CCDC146: variants seen among roughly 807,000 people sequenced by gnomAD.
CCDC146 encodes coiled-coil domain containing 146.
A neutral mutation model predicts 119.3 loss-of-function variants in CCDC146; 92 were observed. The observed-to-expected ratio is 0.77, with a 90% CI of 0.65 to 0.92. The LOEUF (loss-of-function observed/expected upper bound fraction) is 0.92, where lower values mean the gene tolerates loss of function less well. Among genes scored for constraint, CCDC146 ranks in the 40% least tolerant of loss-of-function variants. The probability of loss-of-function intolerance (pLI) is 0.00; values close to 1 mark genes in which losing one functional copy is unlikely to be tolerated. For missense variants in CCDC146, 1,000 were observed against 1,103.0 expected, an observed-to-expected ratio of 0.91 and a Z score of 1.32; for synonymous variants, 372 against 371.8, an observed-to-expected ratio of 1.00 and a Z score of -0.01.
At chr7:77,173,506 G>A (rs3114354) in intron 2 of CCDC146, among the ~76,000 whole-genome samples, 1,983 of 152,114 alleles carry the variant, frequency 0.013, 18 homozygotes, top group Non-Finnish European at 0.014. Flanking sequence ...GTGCATGCCT[G>A]TAATCCCAGC....
rs1194392911 is a variant in CCDC146, at chr7:77,196,819, C to T, written c.156+28995C>T. ...GCCATGTTCTGGTGAAGTTGGTGCT[C>T]CCATCGAGACGTGCCTGCAGCACTG... On this transcript the variant is annotated intron_variant, in intron 2 of 18. Coordinates refer to ENST00000285871, the MANE Select transcript of CCDC146 (RefSeq NM_020879.3). This position sits in a 1 kb window ranked among gnomAD's most constrained non-coding sequence, Gnocchi z 4.2. 6.2e-7 allele frequency: 1 copy of T among 1,614,044 alleles called. No individual in the cohort carries two copies. The highest frequency in any genetic ancestry group is 8.5e-7 in the Non-Finnish European group (1 of 1,180,006).
At chr7:77,271,480 T>C (rs1793512911) in intron 9 of CCDC146, among the ~76,000 whole-genome samples, 1 of 138,310 alleles carries the variant, frequency 7.2e-6, no homozygotes, top group African/African-American at 2.7e-5. Flanking sequence ...CTTTTTATTT[T>C]ATATATATAT....
intron 17 of CCDC146, among the ~76,000 whole-genome samples, chr7:77,292,036 C>G (rs985620947): frequency 6.6e-6 from 1 of 152,182 alleles, no homozygotes; most frequent in African/African-American, 2.4e-5. Flanking sequence ...TGGATCATGC[C>G]TGTAATCCCA....
At chr7:77,233,357 G>A (rs1181399291) in intron 2 of CCDC146, among the ~76,000 whole-genome samples, 1 of 152,114 alleles carries the variant, frequency 6.6e-6, no homozygotes, top group Non-Finnish European at 1.5e-5. Context: ...CTCCTAAAGT[G>A]CTGGGATTAC....
intron 2 of CCDC146, among the ~76,000 whole-genome samples, chr7:77,207,546 G>C (rs538710853): frequency 1.3e-5 from 2 of 152,246 alleles, no homozygotes; most frequent in East Asian, 1.9e-4. Flanking sequence ...GACACAAATT[G>C]TGTCAGTCAT....
At position 77,196,324 on chromosome 7, in the gene CCDC146, G is replaced by GA; in HGVS notation, c.156+28502dup. 6.2e-7 allele frequency: 1 copy of GA among 1,614,058 alleles called. No homozygotes were observed. On this transcript the variant is annotated intron_variant, in intron 2 of 18. Coordinates refer to ENST00000285871, the MANE Select transcript of CCDC146 (RefSeq NM_020879.3). This position sits in a 1 kb window ranked among gnomAD's most constrained non-coding sequence, Gnocchi z 4.2. ...GTCTGATCATCATCTTAGCCTCTTT[G>GA]AAGGAGGACTTGTAGCCACCAGGGT...
intron 6 of CCDC146, among the ~76,000 whole-genome samples, chr7:77,258,456 C>A (rs770572734): frequency 1.3e-5 from 2 of 152,150 alleles, no homozygotes; most frequent in Non-Finnish European, 2.9e-5. Context: ...GCTTCAAGTA[C>A]CCATGCAACC....
At chr7:77,180,198 A>G in intron 2 of CCDC146, among the ~76,000 whole-genome samples, 1 of 149,106 alleles carries the variant, frequency 6.7e-6, no homozygotes, top group Non-Finnish European at 1.5e-5. Context: ...TGTATGTACC[A>G]TATATATGCA....
At chr7:77,258,356 G>A (rs555271889) in intron 6 of CCDC146, among the ~76,000 whole-genome samples, 26 of 152,278 alleles carry the variant, frequency 1.7e-4, no homozygotes, top group Middle Eastern at 3.4e-3. Flanking sequence ...AGGGATGGGT[G>A]GGCAGACGGG....
intron 1 of CCDC146, among the ~76,000 whole-genome samples, chr7:77,159,320 C>A (rs12333591): frequency 0.26 from 38,570 of 151,090 alleles, 6,737 homozygotes; most frequent in African/African-American, 0.53. Flanking sequence ...TCTCCTACCC[C>A]AAGTCCCTGG....
At chr7:77,238,671 C>G (rs184101926) in intron 3 of CCDC146, among the ~76,000 whole-genome samples, 2 of 152,296 alleles carry the variant, frequency 1.3e-5, no homozygotes, top group East Asian at 3.9e-4. Flanking sequence ...CACGCCTCGG[C>G]CTCCCAAAGT....
chr7:77,236,112 G>A (rs1402171171), intron 2 of CCDC146, among the ~76,000 whole-genome samples: 1 of 96,906 alleles, frequency 1.0e-5, no homozygotes, highest in East Asian at 2.6e-4. Context: ...CAACAGGGCT[G>A]AAAAACACAA....
intron 1 of CCDC146, among the ~76,000 whole-genome samples, chr7:77,151,820 C>A (rs1235389515): frequency 6.6e-6 from 1 of 152,126 alleles, no homozygotes; most frequent in Non-Finnish European, 1.5e-5. Flanking sequence ...ATGGTGGCAT[C>A]TTCTGAGAGT....
chr7:77,176,727 AC>A (rs1252733364), intron 2 of CCDC146, among the ~76,000 whole-genome samples: 8 of 150,790 alleles, frequency 5.3e-5, no homozygotes, highest in Middle Eastern at 6.8e-3. Flanking sequence ...CTAATTTCAT[AC>A]TTGTAAAGTT....
Position 77,196,595 on chromosome 7 carries a change from T to C in CCDC146, c.156+28771T>C. 5 of 1,614,220 alleles carry C rather than the reference T, an allele frequency of 3.1e-6. No individual in the cohort carries two copies. Among genetic ancestry groups the C allele is most frequent in the Non-Finnish European group, 4.2e-6 (5 of 1,180,018 alleles). ...TAATGCATCTCCAGCTGTGCCATTA[T>C]AGTTACCAACGTGTAAACGATATTT... On this transcript the variant is annotated intron_variant, in intron 2 of 18. Coordinates refer to ENST00000285871, the MANE Select transcript of CCDC146 (RefSeq NM_020879.3). The surrounding 1 kb of genome is among the most constrained non-coding windows in gnomAD (Gnocchi z 4.2).
chr7:77,278,976 T>C lies in CCDC146; in HGVS notation c.1569T>C (p.Asn523=), dbSNP rs772330827. The change falls in exon 13 of 19, where the codon AAT becomes AAC. Residue 523 remains asparagine (N), a synonymous_variant. Transcript: ENST00000285871. ...EFAKLYDTIR[N]ERNKFVNLLH... ...CTAAACTGTATGACACCATTCGAAATGAAAGAAACAAATTTGTTAACTTAC... is the reference window on the plus strand; with the variant it reads ...CTAAACTGTATGACACCATTCGAAACGAAAGAAACAAATTTGTTAACTTAC... 1.6e-5 allele frequency: 25 copies of C among 1,611,666 alleles called. No homozygotes were observed. The highest frequency in any genetic ancestry group is 1.9e-5 in the Non-Finnish European group (22 of 1,179,438).
intron 2 of CCDC146, among the ~76,000 whole-genome samples, chr7:77,168,849 C>T (rs1303063222): frequency 1.3e-5 from 2 of 152,064 alleles, no homozygotes; most frequent in African/African-American, 4.8e-5. Context: ...CTCTTTCTCT[C>T]TCTCTGAAGA....
intron 1 of CCDC146, among the ~76,000 whole-genome samples, chr7:77,131,128 C>T (rs1790780409): frequency 6.6e-6 from 1 of 151,990 alleles, no homozygotes; most frequent in South Asian, 2.1e-4. Flanking sequence ...AGTGATTCTC[C>T]CACCTTGGCT....
intron 1 of CCDC146, among the ~76,000 whole-genome samples, chr7:77,160,549 C>T (rs1791245538): frequency 6.6e-6 from 1 of 152,212 alleles, no homozygotes; most frequent in South Asian, 2.1e-4. Flanking sequence ...TGGGAGTTCA[C>T]TCATGATTTG....
Sources: gnomAD v4.1 joint callset for allele counts (sites outside exome capture counted in the v4.1 genomes callset) on GRCh38, gnomAD v4.1.1 for gene constraint, Gnocchi (gnomAD v3.1) non-coding constraint, MANE v1.5 for transcripts, NCBI Gene and HGNC (gene_info 2026-07-23, HGNC 2026-07-21) for gene names.